Variants in RAVER1 observed in about 807,000 individuals in gnomAD.
RAVER1 encodes the protein ribonucleoprotein PTB-binding 1.
A neutral mutation model predicts 68.4 loss-of-function variants in RAVER1; 36 were observed. The observed-to-expected ratio is 0.53, with a 90% CI of 0.40 to 0.70. RAVER1 has a LOEUF of 0.70. RAVER1 is among the 30% of genes least tolerant of loss of function. The probability of loss-of-function intolerance (pLI) is 0.00; values close to 1 mark genes in which losing one functional copy is unlikely to be tolerated. For missense variants in RAVER1, 933 were observed against 1,019.8 expected (o/e 0.91, Z 1.16); for synonymous variants, 469 against 472.7 (o/e 0.99, Z 0.10).
intron 3 of RAVER1, among the ~76,000 whole-genome samples, chr19:10,325,851 T>C (rs2040470828): frequency 6.6e-6 from 1 of 151,796 alleles, no homozygotes; most frequent in Non-Finnish European, 1.5e-5. Flanking sequence ...TGGGCAGCTG[T>C]TCACAACAAC....
intron 3 of RAVER1, among the ~76,000 whole-genome samples, chr19:10,324,922 G>A (rs951980934): frequency 6.6e-6 from 1 of 152,144 alleles, no homozygotes; most frequent in African/African-American, 2.4e-5. Flanking sequence ...CCAGTGGCTC[G>A]AATCTATAAT....
rs932162869 is a variant in RAVER1, at chr19:10,317,373, TAA to T, written c.*79_*80del. On this transcript the variant is annotated 3_prime_UTR_variant, in exon 13 of 13. Coordinates refer to ENST00000617231, the MANE Select transcript of RAVER1 (RefSeq NM_133452.3). This position sits in a 1 kb window ranked among gnomAD's most constrained non-coding sequence, Gnocchi z 4.3. The stretch of plus-strand genomic sequence containing the variant: ...TATTACCGAAAGAGAGAAAATGGTT[TAA>T]AAAAAACACAAAACAAAACATCAGA... The T allele has an allele frequency of 2.1e-6, 3 of 1,453,098 alleles. No individual in the cohort carries two copies. The highest frequency in any genetic ancestry group is 3.6e-5 in the Admixed American group (2 of 55,494). 90.0% of individuals were successfully genotyped at this position (1,453,098 alleles called of 1,614,324 possible). A position where few individuals can be genotyped will look rare whatever the true frequency, so the allele number is the denominator to read the frequency against.
chr19:10,329,573 G>A lies in RAVER1; in HGVS notation c.287-462C>T, dbSNP rs966719938. Among the ~76,000 whole-genome samples the A allele has an allele frequency of 6.6e-6, 1 of 152,094 alleles. No homozygotes were observed. ...GCCCAGAGCAGCACCCCTGTGCCCC[G>A]AGTAGGGGAGCCTGGACTTGAACCC... is the stretch of plus-strand genomic sequence containing the variant. On this transcript the variant is annotated intron_variant, in intron 2 of 12. Coordinates refer to ENST00000617231, the MANE Select transcript of RAVER1 (RefSeq NM_133452.3). This position sits in a 1 kb window ranked among gnomAD's most constrained non-coding sequence, Gnocchi z 4.6.
Position 10,319,197 on chromosome 19 carries a change from G to A in RAVER1, c.1814C>T (p.Ala605Val). 1.2e-6 allele frequency: 2 copies of A among 1,613,876 alleles called. No individual in the cohort carries two copies. Among genetic ancestry groups the A allele is most frequent in the African/African-American group, 1.3e-5 (1 of 75,070 alleles). ...RRLFSHPREPALGPHGPSRHK... is the reference protein window; with the variant it reads ...RRLFSHPREPVLGPHGPSRHK... ...TCGGCTGGGTCCGTGAGGCCCAAGG[G>A]CTGGTTCCCGTGGGTGGGAGAAGAG... The change falls in exon 10 of 13, where the codon GCC (alanine) becomes GTC (valine). Residue 605 changes from alanine to valine, a missense_variant. By Grantham distance (64) the Ala-to-Val change is moderately conservative (BLOSUM62 0). Around this residue, in one of 3 missense-constraint regions of RAVER1, gnomAD observed 699 missense variants for 731.1 expected, o/e 0.96. Transcript: ENST00000617231.
rs2040501049 is a variant in RAVER1, at chr19:10,329,865, GC to G, written c.286+594del. 6.6e-6 allele frequency among the ~76,000 whole-genome samples: 1 copy of G among 152,040 alleles called. No individual in the cohort carries two copies. The highest frequency in any genetic ancestry group is 2.4e-5 in the African/African-American group (1 of 41,400). On this transcript the variant is annotated intron_variant, in intron 2 of 12. Transcript: ENST00000617231. This position sits in a 1 kb window ranked among gnomAD's most constrained non-coding sequence, Gnocchi z 4.6. ...ACCACGCCAGGCACACTCCAGAGGG[GC>G]CTTTGCAGCTGCTGTTTCTTGAGCA...
At position 10,333,215 on chromosome 19, in the gene RAVER1, G is replaced by A; in HGVS notation, c.219+74C>T. ...ACGACCCCCGCGCACCTCAGCGTTG[G>A]TGTCGCCCGGTTCCCCCCGCGCACG... On this transcript the variant is annotated intron_variant, in intron 1 of 12. Coordinates refer to ENST00000617231, the MANE Select transcript of RAVER1 (RefSeq NM_133452.3). The surrounding 1 kb of genome is among the most constrained non-coding windows in gnomAD (Gnocchi z 4.2). 3.0e-5 allele frequency: 43 copies of A among 1,422,960 alleles called. No individual in the cohort carries two copies. Among genetic ancestry groups the A allele is most frequent in the Non-Finnish European group, 4.1e-5 (43 of 1,048,300 alleles). The allele number at this position is 1,422,960 out of a possible 1,614,324, so 88.1% of individuals were successfully genotyped here. A position where few individuals can be genotyped will look rare whatever the true frequency, so the allele number is the denominator to read the frequency against.
chr19:10,323,416 C>A lies in RAVER1; in HGVS notation c.907G>T (p.Gly303Cys), dbSNP rs1390706801. ...RVSFCAPGPP[G>C]RSMLAALIAA... ...ATGAGAGCGGCCAGCATACTGCGGC[C>A]GGGGGGCCCAGGGGCGCAGAAGGAG... Residue 303 changes from glycine (G) to cysteine (C), a missense_variant, in exon 4 of 13, where the codon GGC becomes TGC. Transcript: ENST00000617231. The surrounding 1 kb of genome is among the most constrained non-coding windows in gnomAD (Gnocchi z 6.2). 6.2e-7 allele frequency: 1 copy of A among 1,606,646 alleles called. No individual in the cohort carries two copies. The highest frequency in any genetic ancestry group is 8.5e-7 in the Non-Finnish European group (1 of 1,177,450).
chr19:10,329,116 G>A lies in RAVER1; in HGVS notation c.287-5C>T, dbSNP rs769943638. 27 of 1,454,058 alleles carry A rather than the reference G, an allele frequency of 1.9e-5. No homozygotes were observed. Among genetic ancestry groups the A allele is most frequent in the African/African-American group, 2.9e-5 (2 of 70,170 alleles). 90.1% of individuals were successfully genotyped at this position (1,454,058 alleles called of 1,614,324 possible). ...CATTCAGCAGGGTCACGAAGGCTGC[G>A]GTGGGAGGAGGGCAGTGCGAGGTCA... On this transcript the variant is annotated splice_region_variant and splice_polypyrimidine_tract_variant and intron_variant, in intron 2 of 12. Transcript: ENST00000617231. The surrounding 1 kb of genome is among the most constrained non-coding windows in gnomAD (Gnocchi z 4.6).
intron 1 of RAVER1, among the ~76,000 whole-genome samples, chr19:10,332,781 G>A (rs1452943248): frequency 6.6e-6 from 1 of 152,054 alleles, no homozygotes; most frequent in Non-Finnish European, 1.5e-5. Flanking sequence ...TAATCCTGAG[G>A]TTTTGGGGGC....
At position 10,317,549 on chromosome 19, in the gene RAVER1, C is replaced by T. The variant is rs764191805; in HGVS notation, c.2125G>A (p.Glu709Lys). The T allele has an allele frequency of 2.9e-5, 46 of 1,608,862 alleles. No individual in the cohort carries two copies. The highest frequency in any genetic ancestry group is 1.6e-5 in the Non-Finnish European group (19 of 1,177,244). The change falls in exon 13 of 13, where the codon GAG (glutamate) becomes AAG (lysine). Residue 709 changes from glutamate to lysine, a missense_variant. Physicochemically the swap from Glu to Lys is moderately conservative, Grantham distance 56. Around this residue, in one of 3 missense-constraint regions of RAVER1, gnomAD observed 699 missense variants for 731.1 expected, o/e 0.96. Transcript: ENST00000617231. The surrounding 1 kb of genome is among the most constrained non-coding windows in gnomAD (Gnocchi z 4.3). Reference protein sequence around the residue: ...RSFAHLLPSPEPSPEGSYVGQ... With the variant: ...RSFAHLLPSPKPSPEGSYVGQ... ...ACATAGCTGCCTTCTGGGCTGGGCT[C>T]GGGCGAGGGCAGCAGGTGGGCAAAG...
intron 7 of RAVER1, 44 bp from the exon 8 acceptor site, chr19:10,321,303 C>A: frequency 9.4e-7 from 1 of 1,058,982 alleles, no homozygotes; most frequent in Non-Finnish European, 1.2e-6. Context: ...CTCACAGGAC[C>A]CCTCTCCCCA....
chr19:10,333,337 G>A lies in RAVER1; in HGVS notation c.171C>T (p.Asn57=), dbSNP rs753103195. 23 of 1,613,646 alleles carry A rather than the reference G, an allele frequency of 1.4e-5. 1 individual carries two copies. In the African/African-American group the frequency reaches 2.1e-4, roughly 15 times the overall value. ...GGCCCCGGATCAGTATCTTGCGGCG[G>A]TTACGGAACTGGCGCTCGGTGTGTT... The part of the protein sequence containing the change: ...RLEHTERQFR[N]RRKILIRGLP... The change falls in exon 1 of 13, where the codon AAC becomes AAT. Residue 57 remains asparagine (N), a synonymous_variant. Coordinates refer to ENST00000617231, the MANE Select transcript of RAVER1 (RefSeq NM_133452.3). The surrounding 1 kb of genome is among the most constrained non-coding windows in gnomAD (Gnocchi z 4.2).
rs1467404165 is a variant in RAVER1, at chr19:10,321,603, C to A, written c.1189G>T (p.Gly397Ter). ...TQGQKKPGILGDSPLGALQPG... is the reference protein window; with the variant it reads ...TQGQKKPGIL Reference sequence around the variant, plus strand: ...TGGAGGGCGCCCAGGGGTGAGTCTCCCAGGATGCCGGGCTTCTAGGGACAG... The same window carrying A: ...TGGAGGGCGCCCAGGGGTGAGTCTCACAGGATGCCGGGCTTCTAGGGACAG... The change falls in exon 7 of 13, where the codon GGA becomes TGA. Residue 397 changes from glycine to a stop codon, truncating the protein, a stop_gained. Coordinates refer to ENST00000617231, the MANE Select transcript of RAVER1 (RefSeq NM_133452.3). LOFTEE classifies it high-confidence loss of function. The A allele has an allele frequency of 7.1e-7, 1 of 1,410,010 alleles. No individual in the cohort carries two copies. The highest frequency in any genetic ancestry group is 9.3e-7 in the Non-Finnish European group (1 of 1,077,644). The allele number at this position is 1,410,010 out of a possible 1,614,324, so 87.3% of individuals were successfully genotyped here.
rs2145063975 is a variant in RAVER1, at chr19:10,317,876, A to G, written c.1990-103T>C. 1.4e-6 allele frequency: 1 copy of G among 713,700 alleles called. No individual in the cohort carries two copies. The highest frequency in any genetic ancestry group is 2.5e-6 in the Non-Finnish European group (1 of 406,426). 44.2% of individuals were successfully genotyped at this position (713,700 alleles called of 1,614,324 possible). Reference sequence around the variant, plus strand: ...CCCCCAGCCCTGAGGGAAAGCGAACAGTTTCAGGTTCAAATCTTGCTTCTG... The same window carrying G: ...CCCCCAGCCCTGAGGGAAAGCGAACGGTTTCAGGTTCAAATCTTGCTTCTG... On this transcript the variant is annotated intron_variant, in intron 11 of 12. Coordinates refer to ENST00000617231, the MANE Select transcript of RAVER1 (RefSeq NM_133452.3). This position sits in a 1 kb window ranked among gnomAD's most constrained non-coding sequence, Gnocchi z 4.3.
intron 9 of RAVER1, 97 bp downstream of exon 9, chr19:10,320,558 T>A: frequency 3.9e-5 from 30 of 769,848 alleles, no homozygotes; most frequent in Middle Eastern, 3.4e-4. Context: ...CCCTGCCGCC[T>A]CCCTAGCACA....
Position 10,317,234 on chromosome 19 carries a change from G to T in RAVER1, c.*220C>A. On this transcript the variant is annotated 3_prime_UTR_variant, in exon 13 of 13. Transcript: ENST00000617231. The surrounding 1 kb of genome is among the most constrained non-coding windows in gnomAD (Gnocchi z 4.3). ...GGGCCCCTCTCTCTTAAGGCTGCAG[G>T]GTTTCAGCGTGGGGAGCAAGCCAGA... 1 of 587,002 alleles carries T rather than the reference G, an allele frequency of 1.7e-6. No individual in the cohort carries two copies. The highest frequency in any genetic ancestry group is 3.0e-6 in the Non-Finnish European group (1 of 333,854). The allele number at this position is 587,002 out of a possible 1,614,324, so 36.4% of individuals were successfully genotyped here.
intron 1 of RAVER1, among the ~76,000 whole-genome samples, chr19:10,332,146 C>T (rs1287139672): frequency 2.0e-5 from 3 of 152,174 alleles, no homozygotes; most frequent in African/African-American, 7.2e-5. Flanking sequence ...AGGCACGCAC[C>T]ACCATGCCTG....
rs1013370277 is a variant in RAVER1 at position 10,329,460 on chromosome 19, C to T, written c.287-349G>A. Among the ~76,000 whole-genome samples, 3 of 152,224 alleles carry T rather than the reference C, an allele frequency of 2.0e-5. No individual in the cohort carries two copies. The highest frequency in any genetic ancestry group is 7.2e-5 in the African/African-American group (3 of 41,466). On this transcript the variant is annotated intron_variant, in intron 2 of 12. Transcript: ENST00000617231. The surrounding 1 kb of genome is among the most constrained non-coding windows in gnomAD (Gnocchi z 4.6). ...GGGCCCAGATTTAAGCCCCAAGCCC[C>T]AGGTGGCTTTGGGGGTATCAGTTTC...
rs754731677 is a variant in RAVER1, at chr19:10,319,204, C to G, written c.1807G>C (p.Glu603Gln). The G allele has an allele frequency of 5.0e-6, 8 of 1,613,862 alleles. No homozygotes were observed. Among genetic ancestry groups the G allele is most frequent in the Non-Finnish European group, 6.8e-6 (8 of 1,179,782 alleles). ...GGTCCGTGAGGCCCAAGGGCTGGTT[C>G]CCGTGGGTGGGAGAAGAGCCGCCGA... Reference protein sequence around the residue: ...GPRRLFSHPREPALGPHGPSR... With the variant: ...GPRRLFSHPRQPALGPHGPSR... The change falls in exon 10 of 13, where the codon GAA (glutamate) becomes CAA (glutamine). Residue 603 changes from glutamate to glutamine, a missense_variant. Glu to Gln is a conservative substitution (Grantham distance 29). Transcript: ENST00000617231.
Sources: allele counts gnomAD v4.1 joint callset (sites outside exome capture counted in the v4.1 genomes callset), GRCh38; gene constraint gnomAD v4.1.1; regional missense constraint gnomAD v4.1.1; non-coding constraint Gnocchi (gnomAD v3.1); transcripts MANE v1.5; gene names NCBI Gene and HGNC (gene_info 2026-07-23, HGNC 2026-07-21).